NAV2: variants seen among roughly 807,000 people sequenced by gnomAD.
NAV2 encodes neuron navigator 2, also known as helicase, APC down-regulated 1.
Under a neutral mutation model 223.2 loss-of-function variants are expected in NAV2, and 54 were observed. That is an observed-to-expected ratio of 0.24 (90% CI 0.19 to 0.30). NAV2 has a LOEUF of 0.30. Ranked by LOEUF, NAV2 falls within the 10% of genes least tolerant of loss-of-function variation. NAV2 has a pLI of 1.00. For synonymous variants in NAV2, 1,279 were observed against 1,239.3 expected (o/e 1.03, Z -0.67); for missense variants, 2,806 against 3,147.5 (o/e 0.89, Z 2.60).
intron 1 of NAV2, among the ~76,000 whole-genome samples, chr11:19,448,114 T>C (rs1215768450): frequency 1.3e-5 from 2 of 152,076 alleles, no homozygotes. Flanking sequence ...CTATAATAAT[T>C]AGGGAGCTAT....
intron 1 of NAV2, among the ~76,000 whole-genome samples, chr11:19,658,139 C>G (rs2048179733): frequency 6.6e-6 from 1 of 152,250 alleles, no homozygotes; most frequent in Admixed American, 6.5e-5. Flanking sequence ...TAATTTTTCA[C>G]AGCATTCCTA....
intron 1 of NAV2, among the ~76,000 whole-genome samples, chr11:19,393,192 G>A (rs910113130): frequency 6.6e-6 from 1 of 152,164 alleles, no homozygotes; most frequent in Admixed American, 6.5e-5. Flanking sequence ...TGATTACCTG[G>A]GGACTGTAAT....
At chr11:19,378,284 G>A (rs559824304) in intron 1 of NAV2, among the ~76,000 whole-genome samples, 22 of 152,224 alleles carry the variant, frequency 1.4e-4, no homozygotes, top group South Asian at 8.3e-4. Flanking sequence ...GGGGGTGCCC[G>A]CTTCATTTTC....
intron 10 of NAV2, among the ~76,000 whole-genome samples, chr11:19,960,765 C>T (rs1467467568): frequency 6.6e-6 from 1 of 152,120 alleles, no homozygotes; most frequent in African/African-American, 2.4e-5. Flanking sequence ...AGGCACATGC[C>T]ACCATGCCCA....
At chr11:19,613,257 G>A (rs1590680084) in intron 1 of NAV2, among the ~76,000 whole-genome samples, 1 of 152,162 alleles carries the variant, frequency 6.6e-6, no homozygotes, top group Non-Finnish European at 1.5e-5. Flanking sequence ...GACCCAGCTG[G>A]CAAATTTCCA....
At chr11:19,819,601 G>A (rs759879491) in intron 1 of NAV2, among the ~76,000 whole-genome samples, 1 of 152,260 alleles carries the variant, frequency 6.6e-6, no homozygotes, top group Admixed American at 6.5e-5. Context: ...ATGGAACTGT[G>A]GTGTGAGGGA....
intron 1 of NAV2, among the ~76,000 whole-genome samples, chr11:19,482,067 G>C (rs970938950): frequency 4.6e-5 from 7 of 152,246 alleles, no homozygotes; most frequent in Admixed American, 4.6e-4. Flanking sequence ...ATAACTTTAT[G>C]TGTTTGTAAT....
At chr11:19,686,161 A>G (rs2049017701) in intron 1 of NAV2, among the ~76,000 whole-genome samples, 1 of 151,898 alleles carries the variant, frequency 6.6e-6, no homozygotes, top group South Asian at 2.1e-4. Context: ...GGTGGCTCCT[A>G]CTCAGCCTTC....
At chr11:19,528,566 A>G (rs1446853653) in intron 1 of NAV2, among the ~76,000 whole-genome samples, 8 of 152,278 alleles carry the variant, frequency 5.3e-5, no homozygotes, top group African/African-American at 1.9e-4. Context: ...CTCCCTTCCA[A>G]AATGAAGCTA....
chr11:19,879,792 C>G (rs1565483173), intron 4 of NAV2, 77 bp from the exon 5 acceptor site: 2 of 1,550,228 alleles, frequency 1.3e-6, no homozygotes, highest in East Asian at 4.5e-5. Flanking sequence ...AAATCAAACT[C>G]ACGTGCCGAC....
intron 1 of NAV2, among the ~76,000 whole-genome samples, chr11:19,686,437 C>T (rs115812337): frequency 0.02 from 3,058 of 152,252 alleles, 92 homozygotes; most frequent in African/African-American, 0.069. Flanking sequence ...TCCCTCAATC[C>T]GCCCATTGTG....
chr11:19,871,850 C>G (rs968695017), intron 4 of NAV2, among the ~76,000 whole-genome samples: 5 of 152,130 alleles, frequency 3.3e-5, no homozygotes, highest in African/African-American at 1.2e-4. Flanking sequence ...CCAGCACCCC[C>G]ACTTTGAGCG....
chr11:19,807,765 T>C lies in NAV2; in HGVS notation c.268-24719T>C, dbSNP rs79921759. On this transcript the variant is annotated intron_variant, in intron 1 of 37. Coordinates refer to ENST00000349880, the MANE Select transcript of NAV2 (RefSeq NM_145117.5). ...ATGTGCTCATAGCAGTGTTCTCCAA[T>C]GATAACCTCCTCTCAAAAAATTCTC... 7.6e-3 allele frequency among the ~76,000 whole-genome samples: 1,163 copies of C among 152,366 alleles called. 14 individuals carry two copies. Among genetic ancestry groups the C allele is most frequent in the African/African-American group, 0.027 (1,105 of 41,596 alleles).
chr11:19,639,744 C>T (rs545408123), intron 1 of NAV2, among the ~76,000 whole-genome samples: 18 of 152,302 alleles, frequency 1.2e-4, no homozygotes, highest in African/African-American at 4.1e-4. Flanking sequence ...CACAGGCACC[C>T]CCTACAGAGT....
At chr11:20,018,928 C>T (rs983014086) in intron 11 of NAV2, among the ~76,000 whole-genome samples, 7 of 152,088 alleles carry the variant, frequency 4.6e-5, no homozygotes, top group African/African-American at 1.7e-4. Flanking sequence ...AGGCACAGTG[C>T]GAGGGCCTAG....
At chr11:19,914,984 TC>T (rs2043674631) in intron 6 of NAV2, among the ~76,000 whole-genome samples, 1 of 152,152 alleles carries the variant, frequency 6.6e-6, no homozygotes, top group African/African-American at 2.4e-5. Flanking sequence ...TTTCTACTTT[TC>T]TCCCCTTCTC....
At chr11:19,348,838 T>A (rs1177853984), upstream of NAV2, among the ~76,000 whole-genome samples, 2 of 152,176 alleles carry the variant, frequency 1.3e-5, no homozygotes, top group Non-Finnish European at 2.9e-5. Flanking sequence ...AGCTGCAGTG[T>A]TGAGATTTGA....
chr11:19,539,025 A>G (rs923045771), intron 1 of NAV2, among the ~76,000 whole-genome samples: 45 of 152,358 alleles, frequency 3.0e-4, no homozygotes, highest in African/African-American at 1.0e-3. Flanking sequence ...GTTTGCTAAC[A>G]GTATGGCTAA....
intron 1 of NAV2, among the ~76,000 whole-genome samples, chr11:19,457,191 G>T (rs374286772): frequency 1.1e-4 from 16 of 152,284 alleles, no homozygotes; most frequent in African/African-American, 3.9e-4. Flanking sequence ...TTAAAAGGAA[G>T]AAAACAACAG....
Sources: gnomAD v4.1 joint callset for allele counts (sites outside exome capture counted in the v4.1 genomes callset) on GRCh38, gnomAD v4.1.1 for gene constraint, MANE v1.5 for transcripts, NCBI Gene and HGNC (gene_info 2026-07-23, HGNC 2026-07-21) for gene names.